The following PCM1 variants were observed in gnomAD, a reference collection of about 807,000 sequenced individuals.
The protein encoded by PCM1 is pericentriolar material 1.
A neutral mutation model predicts 241.9 loss-of-function variants in PCM1; 157 were observed. The observed-to-expected ratio is 0.65, with a 90% CI of 0.57 to 0.74. PCM1 has a LOEUF of 0.74. PCM1 is among the 30% of genes least tolerant of loss of function. The pLI, the probability that PCM1 is intolerant of heterozygous loss-of-function variation, is 0.00. For synonymous variants in PCM1, 1,085 were observed against 784.9 expected (o/e 1.38, Z -6.39); for missense variants, 3,478 against 2,360.1 (o/e 1.47, Z -9.81).
intron 2 of PCM1, chr8:17,926,216 G>C (rs936117452): frequency 6.6e-6 from 1 of 152,072 alleles, no homozygotes; most frequent in Non-Finnish European, 1.5e-5. Flanking sequence ...AAAAATAAAG[G>C]GTAATTGAGT....
chr8:17,952,756 C>G (rs967651179), intron 8 of PCM1, among the ~76,000 whole-genome samples: 4 of 152,028 alleles, frequency 2.6e-5, no homozygotes, highest in Admixed American at 1.3e-4. Flanking sequence ...GAACCAATCC[C>G]TCATGGATAC....
chr8:18,021,893 A>T (rs1170377385), intron 36 of PCM1, among the ~76,000 whole-genome samples: 1 of 152,200 alleles, frequency 6.6e-6, no homozygotes, highest in Non-Finnish European at 1.5e-5. Flanking sequence ...AAATGACTCA[A>T]TACTCTAAGA....
intron 10 of PCM1, 135 bp from the exon 11 acceptor site, chr8:17,956,469 C>T: frequency 3.2e-6 from 2 of 618,388 alleles, no homozygotes; most frequent in Non-Finnish European, 5.7e-6. Flanking sequence ...AGTCATACCC[C>T]CTGGAGAGTT....
At chr8:17,941,543 A>T (rs55677426) in intron 6 of PCM1, among the ~76,000 whole-genome samples, 10 of 50,870 alleles carry the variant, frequency 2.0e-4, no homozygotes, top group Non-Finnish European at 5.2e-4. Context: ...TTTTTTTTTA[A>T]AAAAAAGGTG....
chr8:17,990,475 G>T (rs377369849), intron 27 of PCM1, among the ~76,000 whole-genome samples: 5 of 145,466 alleles, frequency 3.4e-5, no homozygotes, highest in Non-Finnish European at 3.0e-5. Flanking sequence ...GTTTTTTTTT[G>T]TTTGTTTGGG....
intron 24 of PCM1, among the ~76,000 whole-genome samples, chr8:17,982,167 T>G (rs2081066453): frequency 6.6e-6 from 1 of 152,196 alleles, no homozygotes; most frequent in African/African-American, 2.4e-5. Flanking sequence ...TGGGCTTCTG[T>G]TAAGTCTGTG....
intron 16 of PCM1, among the ~76,000 whole-genome samples, chr8:17,962,801 G>A (rs2073069028): frequency 1.3e-5 from 2 of 151,794 alleles, no homozygotes; most frequent in South Asian, 4.2e-4. Flanking sequence ...TACTCAGGAG[G>A]CTGAGGCAGG....
chr8:17,973,967 T>A (rs982134443), intron 23 of PCM1, among the ~76,000 whole-genome samples: 1 of 152,168 alleles, frequency 6.6e-6, no homozygotes, highest in Non-Finnish European at 1.5e-5. Flanking sequence ...AAGAGAATAT[T>A]GGCACATTTT....
At chr8:18,025,829 G>A (rs2094150687) in intron 38 of PCM1, among the ~76,000 whole-genome samples, 171 bp downstream of exon 38, 1 of 152,136 alleles carries the variant, frequency 6.6e-6, no homozygotes, top group African/African-American at 2.4e-5. Flanking sequence ...ATAAAACAGT[G>A]TCAGATAATT....
intron 26 of PCM1, 83 bp downstream of exon 26, chr8:17,986,170 A>G: frequency 4.2e-6 from 4 of 953,976 alleles, no homozygotes; most frequent in Non-Finnish European, 6.0e-6. Context: ...GTCAAATTGT[A>G]GGTAGACCTA....
Position 18,009,713 on chromosome 8 carries a change from C to T in PCM1, c.5129C>T (p.Ala1710Val), listed in dbSNP as rs1325620142. 1.3e-6 allele frequency: 2 copies of T among 1,498,162 alleles called. No homozygotes were observed. Among genetic ancestry groups the T allele is most frequent in the East Asian group, 2.3e-5 (1 of 42,800 alleles). 92.8% of individuals were successfully genotyped at this position (1,498,162 alleles called of 1,614,324 possible). ...CAGAGATGCAAAAGGAAAATAGAAG[C>T]AACTGGAGTGATACAATCTTGTGCC... ...VKQRCKRKIE[A>V]TGVIQSCAKE... The change falls in exon 31 of 39, where the codon GCA (alanine) becomes GTA (valine). Residue 1710 changes from alanine to valine, a missense_variant. Transcript: ENST00000325083.
chr8:17,985,789 A>AT lies in PCM1; in HGVS notation c.4282-162dup, dbSNP rs553785009. Among the ~76,000 whole-genome samples the AT allele has an allele frequency of 8.2e-3, 1,250 of 151,654 alleles. 4 individuals are homozygous for AT. The highest frequency in any genetic ancestry group is 0.013 in the Non-Finnish European group (878 of 67,658). The stretch of plus-strand genomic sequence containing the variant: ...TGTATAGCTTAAGTAGCATTAAAGT[A>AT]TTTTTTTTGAGTACTTTTTCAGTGT... On this transcript the variant is annotated intron_variant, in intron 25 of 38. Transcript: ENST00000325083.
chr8:17,950,780 T>G, intron 8 of PCM1, 56 bp downstream of exon 8: 1 of 973,652 alleles, frequency 1.0e-6, no homozygotes, highest in Non-Finnish European at 1.6e-6. Flanking sequence ...ATTAGAACAG[T>G]GATTCAGAAA....
chr8:17,986,215 G>T (rs1156374693), intron 26 of PCM1, 128 bp downstream of exon 26: 3 of 612,316 alleles, frequency 4.9e-6, no homozygotes, highest in Non-Finnish European at 7.8e-6. Context: ...TAAAACTTGG[G>T]TATAATGTGT....
At chr8:17,989,742 CTT>C (rs3214088) in intron 26 of PCM1, 115 bp from the exon 27 acceptor site, 91,731 of 726,368 alleles carry the variant, frequency 0.13, 7,221 homozygotes, top group East Asian at 0.37. Flanking sequence ...ACTGAGGAAA[CTT>C]ATGAATATCT....
At chr8:18,023,316 T>G (rs1208909817) in intron 36 of PCM1, among the ~76,000 whole-genome samples, 1 of 152,198 alleles carries the variant, frequency 6.6e-6, no homozygotes, top group East Asian at 1.9e-4. Context: ...CTCCCTGTGA[T>G]CTCCCAAACT....
intron 15 of PCM1, 118 bp from the exon 16 acceptor site, chr8:17,961,916 C>G (rs2072405883): frequency 1.4e-6 from 1 of 731,180 alleles, no homozygotes; most frequent in African/African-American, 1.8e-5. Context: ...AAGTCAGGGT[C>G]TGATAGCAGA....
At chr8:17,969,814 T>C (rs1564042456) in intron 22 of PCM1, 66 bp downstream of exon 22, 1 of 1,235,042 alleles carries the variant, frequency 8.1e-7, no homozygotes, top group Non-Finnish European at 1.2e-6. Flanking sequence ...TAATTATGTG[T>C]AATTTGAAAA....
chr8:17,970,153 T>C (rs952527742), intron 22 of PCM1, among the ~76,000 whole-genome samples: 1 of 152,096 alleles, frequency 6.6e-6, no homozygotes, highest in Non-Finnish European at 1.5e-5. Context: ...TAATGTTGAG[T>C]ACTATTAGAT....
Sources: gnomAD v4.1 joint callset for allele counts (sites outside exome capture counted in the v4.1 genomes callset) on GRCh38, gnomAD v4.1.1 for gene constraint, MANE v1.5 for transcripts, NCBI Gene and HGNC (gene_info 2026-07-23, HGNC 2026-07-21) for gene names.